ABCG1: variants seen among roughly 807,000 people sequenced by gnomAD.
ABCG1 encodes the protein ATP binding cassette subfamily G member 1.
ABCG1 carries 29 observed loss-of-function variants against 69.2 expected under a neutral mutation model. That is an observed-to-expected ratio of 0.42 (90% CI 0.31 to 0.57). The LOEUF is 0.57. Ranked by LOEUF, ABCG1 falls within the 20% of genes least tolerant of loss-of-function variation. The pLI, the probability that ABCG1 is intolerant of heterozygous loss-of-function variation, is 0.15. For missense variants in ABCG1, 718 were observed against 898.1 expected (o/e 0.80, Z 2.56); for synonymous variants, 370 against 374.8 (o/e 0.99, Z 0.15).
At chr21:42,251,877 T>C (rs576740849) in intron 2 of ABCG1, among the ~76,000 whole-genome samples, 4 of 152,344 alleles carry the variant, frequency 2.6e-5, no homozygotes, top group African/African-American at 7.2e-5. Context: ...TTGCTTTACT[T>C]TACAAGACAA....
At chr21:42,272,890 G>A (rs2068641291) in intron 3 of ABCG1, among the ~76,000 whole-genome samples, 1 of 152,230 alleles carries the variant, frequency 6.6e-6, no homozygotes, top group Non-Finnish European at 1.5e-5. Context: ...GCAGTTGGGT[G>A]TAGCCTGAGC....
intron 1 of ABCG1, among the ~76,000 whole-genome samples, chr21:42,200,763 AT>A (rs1311628493): frequency 1.3e-5 from 2 of 151,508 alleles, no homozygotes; most frequent in Non-Finnish European, 2.9e-5. Context: ...TATCTTTTGT[AT>A]TTTTAGTAGA....
At chr21:42,290,675 C>T (rs2069039547) in intron 11 of ABCG1, among the ~76,000 whole-genome samples, 2 of 152,190 alleles carry the variant, frequency 1.3e-5, no homozygotes, top group South Asian at 4.1e-4. Flanking sequence ...GCTGCTTCTC[C>T]AGAACTTTAG....
At chr21:42,245,646 G>C (rs1183389107) in intron 2 of ABCG1, among the ~76,000 whole-genome samples, 1 of 152,236 alleles carries the variant, frequency 6.6e-6, no homozygotes, top group Non-Finnish European at 1.5e-5. Flanking sequence ...GGCCCAGAAG[G>C]CTGGATCTGC....
Position 42,296,538 on chromosome 21 carries a change from G to T in ABCG1, c.*146G>T, listed in dbSNP as rs143772364. On this transcript the variant is annotated 3_prime_UTR_variant, in exon 15 of 15. Transcript: ENST00000398449. This position sits in a 1 kb window ranked among gnomAD's most constrained non-coding sequence, Gnocchi z 5.4. ...ACCGCGTTGGGTTTGTGGGTGTCTC[G>T]TGCTCAGCCACTCTGCCCAGCTGGG... 1.5e-6 allele frequency: 1 copy of T among 688,266 alleles called. No homozygotes were observed. The highest frequency in any genetic ancestry group is 2.5e-6 in the Non-Finnish European group (1 of 399,120). The allele number at this position is 688,266 out of a possible 1,614,324, so 42.6% of individuals were successfully genotyped here.
At chr21:42,289,492 G>T (rs1056029191) in intron 10 of ABCG1, among the ~76,000 whole-genome samples, 1 of 152,200 alleles carries the variant, frequency 6.6e-6, no homozygotes, top group Non-Finnish European at 1.5e-5. Flanking sequence ...GAATCATGAG[G>T]ATTGGGACGG....
rs959220127 is a variant in ABCG1, at chr21:42,288,621, T to C, written c.1224+309T>C. Among the ~76,000 whole-genome samples, 2 of 152,050 alleles carry C rather than the reference T, an allele frequency of 1.3e-5. No individual in the cohort carries two copies. The highest frequency in any genetic ancestry group is 2.9e-5 in the Non-Finnish European group (2 of 67,968). On this transcript the variant is annotated intron_variant, in intron 10 of 14. Transcript: ENST00000398449. This position sits in a 1 kb window ranked among gnomAD's most constrained non-coding sequence, Gnocchi z 4.8. The stretch of plus-strand genomic sequence containing the variant: ...ACTCAGGAGGCTGGGGCAGGAGAAC[T>C]GCTTGAACCCAGGGGGGCGGAGATT...
intron 2 of ABCG1, among the ~76,000 whole-genome samples, chr21:42,205,086 T>G (rs968818954): frequency 6.6e-6 from 1 of 151,996 alleles, no homozygotes; most frequent in East Asian, 1.9e-4. Flanking sequence ...ATTCAAATAG[T>G]CTGTTTATAT....
chr21:42,271,787 G>A (rs1341560274), intron 3 of ABCG1, among the ~76,000 whole-genome samples: 4 of 152,158 alleles, frequency 2.6e-5, no homozygotes, highest in African/African-American at 9.7e-5. Flanking sequence ...AGGAGGCTGA[G>A]GCAGGAGAAT....
intron 4 of ABCG1, among the ~76,000 whole-genome samples, chr21:42,275,058 C>T (rs1382727430): frequency 6.6e-6 from 1 of 152,148 alleles, no homozygotes; most frequent in Non-Finnish European, 1.5e-5. Flanking sequence ...GATGGGGGTT[C>T]GCCTTGGTTT....
Position 42,267,813 on chromosome 21 carries a change from G to A in ABCG1, c.287-3257G>A, listed in dbSNP as rs563458974. 6.2e-5 allele frequency among the ~76,000 whole-genome samples: 9 copies of A among 145,980 alleles called. No homozygotes were observed. The South Asian group carries it at 1.5e-3, about 25-fold the overall frequency. On this transcript the variant is annotated intron_variant, in intron 2 of 14. Coordinates refer to ENST00000398449, the MANE Select transcript of ABCG1 (RefSeq NM_016818.3). ...TCTGGTCTGGGTTCTGTCTGGGTGT[G>A]GTCTGGGTTCTGTCTGGGTCTGGTC... is the stretch of plus-strand genomic sequence containing the variant.
At chr21:42,247,087 C>T (rs954665326) in intron 2 of ABCG1, among the ~76,000 whole-genome samples, 1 of 152,142 alleles carries the variant, frequency 6.6e-6, no homozygotes, top group Admixed American at 6.5e-5. Context: ...AGCTGGTCCT[C>T]TTTCTGTTTC....
At position 42,259,166 on chromosome 21, in the gene ABCG1, G is replaced by A. The variant is rs948639419; in HGVS notation, c.287-11904G>A. Reference sequence around the variant, plus strand: ...GCAAAGGCCCCTGCCTGGGAGACATGTCTTGGTGTGAGAGAGACGACATTG... The same window carrying A: ...GCAAAGGCCCCTGCCTGGGAGACATATCTTGGTGTGAGAGAGACGACATTG... On this transcript the variant is annotated intron_variant, in intron 2 of 14. Coordinates refer to ENST00000398449, the MANE Select transcript of ABCG1 (RefSeq NM_016818.3). 7.4e-6 allele frequency: 10 copies of A among 1,349,180 alleles called. No homozygotes were observed. The African/African-American group carries it at 1.2e-4, about 16-fold the overall frequency. The allele number at this position is 1,349,180 out of a possible 1,614,324, so 83.6% of individuals were successfully genotyped here.
At chr21:42,223,912 G>C (rs2067771480) in intron 1 of ABCG1, among the ~76,000 whole-genome samples, 1 of 152,200 alleles carries the variant, frequency 6.6e-6, no homozygotes, top group Non-Finnish European at 1.5e-5. Context: ...CACCTGCAAT[G>C]GGTGCCTGGG....
intron 2 of ABCG1, among the ~76,000 whole-genome samples, chr21:42,251,866 CT>C: frequency 6.6e-6 from 1 of 152,350 alleles, no homozygotes; most frequent in East Asian, 1.9e-4. Flanking sequence ...GCCCAAAGTC[CT>C]TGCTTTACTT....
At chr21:42,237,693 G>A (rs899830120) in intron 2 of ABCG1, among the ~76,000 whole-genome samples, 1 of 152,246 alleles carries the variant, frequency 6.6e-6, no homozygotes, top group African/African-American at 2.4e-5. Flanking sequence ...GTAGAGAGGA[G>A]AAGTAGAGAG....
chr21:42,290,899 A>T (rs771798296), intron 11 of ABCG1, among the ~76,000 whole-genome samples, 193 bp from the exon 12 acceptor site: 1 of 152,170 alleles, frequency 6.6e-6, no homozygotes, highest in Non-Finnish European at 1.5e-5. Context: ...TCTCCACTCA[A>T]TGACTCTTCA....
chr21:42,243,445 CGCGTGTGTGTGTGTGTGT>C (rs1345420159), intron 2 of ABCG1, among the ~76,000 whole-genome samples: 3 of 79,662 alleles, frequency 3.8e-5, no homozygotes, highest in Admixed American at 1.2e-4. Flanking sequence ...CGTGTGTGTG[CGCGTGTGTGTGTGTGTGT>C]GTGTGTGTGT....
intron 2 of ABCG1, among the ~76,000 whole-genome samples, chr21:42,231,731 G>A (rs1006112734): frequency 1.3e-5 from 2 of 152,234 alleles, no homozygotes; most frequent in African/African-American, 4.8e-5. Flanking sequence ...CCTGTGGCTA[G>A]GGGTTTTGAG....
Sources: allele counts gnomAD v4.1 joint callset (sites outside exome capture counted in the v4.1 genomes callset), GRCh38; gene constraint gnomAD v4.1.1; non-coding constraint Gnocchi (gnomAD v3.1); transcripts MANE v1.5; gene names NCBI Gene and HGNC (gene_info 2026-07-23, HGNC 2026-07-21).